Variants in PIBF1 observed in about 807,000 individuals in gnomAD.
The protein encoded by PIBF1 is progesterone-induced-blocking factor 1.
In PIBF1, 90 loss-of-function variants were observed where a neutral mutation model predicts 112.5. That is an observed-to-expected ratio of 0.80 (90% CI 0.67 to 0.95). PIBF1 has a LOEUF of 0.95. PIBF1 is among the 40% of genes least tolerant of loss of function. The pLI, the probability that PIBF1 is intolerant of heterozygous loss-of-function variation, is 0.00. For missense variants in PIBF1, 915 were observed against 852.3 expected (o/e 1.07, Z -0.92); for synonymous variants, 301 against 288.6 (o/e 1.04, Z -0.44).
In PIBF1 at chr13:72,931,717, C is replaced by CATATATATATATATATATATAT. The variant is rs1414425546; in HGVS notation, c.1833+450_1833+451insATATATATATATATATATATAT. ...TCTTAGCCTTATGTCATTTAAACTA[C>CATATATATATATATATATATAT]GTATATATATATATATATATATATA... On this transcript the variant is annotated intron_variant, in intron 14 of 17. Transcript: ENST00000326291. Among the ~76,000 whole-genome samples, 7 of 24,412 alleles carry CATATATATATATATATATATAT rather than the reference C, an allele frequency of 2.9e-4. 1 individual carries two copies. The highest frequency in any genetic ancestry group is 1.8e-3 in the East Asian group (1 of 544). The allele number at this position is 24,412 out of a possible 152,430, so 16.0% of individuals were successfully genotyped here.
intron 11 of PIBF1, among the ~76,000 whole-genome samples, chr13:72,906,809 G>A (rs2040719915): frequency 6.6e-6 from 1 of 152,016 alleles, no homozygotes; most frequent in Non-Finnish European, 1.5e-5. Flanking sequence ...TGGTGGTTTT[G>A]CAGGGGGAGG....
chr13:73,009,039 T>C (rs373716989), intron 17 of PIBF1, among the ~76,000 whole-genome samples: 35 of 152,230 alleles, frequency 2.3e-4, no homozygotes, highest in African/African-American at 8.0e-4. Context: ...GGAACCTAGA[T>C]TCCCTCTTCC....
At chr13:72,844,793 A>ACACACACACACACG (rs1326364265) in intron 9 of PIBF1, among the ~76,000 whole-genome samples, 1 of 132,234 alleles carries the variant, frequency 7.6e-6, no homozygotes, top group African/African-American at 2.8e-5. Flanking sequence ...ACACACACAC[A>ACACACACACACACG]CACACACGGA....
chr13:72,971,064 G>A (rs969020593), intron 15 of PIBF1, among the ~76,000 whole-genome samples: 1 of 151,906 alleles, frequency 6.6e-6, no homozygotes, highest in Middle Eastern at 3.2e-3. Context: ...GTTAAAACAC[G>A]ACAATATAAA....
At chr13:72,849,360 A>G (rs1443153206) in intron 9 of PIBF1, among the ~76,000 whole-genome samples, 1 of 152,252 alleles carries the variant, frequency 6.6e-6, no homozygotes, top group Non-Finnish European at 1.5e-5. Context: ...GTTAGCTTGT[A>G]CATGCTACGG....
Position 72,948,768 on chromosome 13 carries a change from C to A in PIBF1, c.1834-16506C>A, listed in dbSNP as rs2042216185. 2.6e-5 allele frequency among the ~76,000 whole-genome samples: 4 copies of A among 152,204 alleles called. No homozygotes were observed. In the South Asian group the frequency reaches 8.3e-4, roughly 31 times the overall value. On this transcript the variant is annotated intron_variant, in intron 14 of 17. Transcript: ENST00000326291. ...GTGGAAGGGTAAGCAAACAACATGT[C>A]TTTCTTCACATGGCGGCAGCAAGGA...
At chr13:72,950,475 T>C (rs922733569) in intron 14 of PIBF1, among the ~76,000 whole-genome samples, 18 of 152,212 alleles carry the variant, frequency 1.2e-4, no homozygotes, top group African/African-American at 4.3e-4. Flanking sequence ...GAATTCCCAC[T>C]GCAGAAACCG....
intron 10 of PIBF1, among the ~76,000 whole-genome samples, chr13:72,857,026 G>T (rs1419123943): frequency 6.6e-6 from 1 of 152,160 alleles, no homozygotes; most frequent in African/African-American, 2.4e-5. Flanking sequence ...TCATGAAAAT[G>T]TCAGTTTCCT....
chr13:72,854,470 C>T (rs575022164), intron 10 of PIBF1, among the ~76,000 whole-genome samples: 1 of 152,270 alleles, frequency 6.6e-6, no homozygotes, highest in South Asian at 2.1e-4. Context: ...CAAGAGGCAC[C>T]ACTTTCTGAT....
chr13:72,972,908 C>G (rs766336633), intron 15 of PIBF1, among the ~76,000 whole-genome samples: 3 of 152,152 alleles, frequency 2.0e-5, no homozygotes, highest in Non-Finnish European at 2.9e-5. Context: ...ATATTACTTT[C>G]AGTTTTAAGG....
At chr13:72,803,979 C>A (rs1439013966) in intron 5 of PIBF1, among the ~76,000 whole-genome samples, 1 of 152,120 alleles carries the variant, frequency 6.6e-6, no homozygotes, top group African/African-American at 2.4e-5. Flanking sequence ...TTGGAATGTT[C>A]TTATCTGAGT....
chr13:72,787,336 C>A (rs1380136544), intron 2 of PIBF1, among the ~76,000 whole-genome samples: 1 of 152,194 alleles, frequency 6.6e-6, no homozygotes, highest in African/African-American at 2.4e-5. Context: ...GAACAAAGTG[C>A]TACACTGTTT....
At chr13:72,996,627 A>G (rs1184623806) in intron 16 of PIBF1, among the ~76,000 whole-genome samples, 1 of 152,092 alleles carries the variant, frequency 6.6e-6, no homozygotes, top group Non-Finnish European at 1.5e-5. Flanking sequence ...ATCTCTACCA[A>G]AAATTTAAAA....
chr13:72,972,184 T>A (rs1367525092), intron 15 of PIBF1, among the ~76,000 whole-genome samples: 1 of 151,630 alleles, frequency 6.6e-6, no homozygotes, highest in Non-Finnish European at 1.5e-5. Context: ...AAGGTGCATG[T>A]CTCCACACCT....
chr13:72,886,574 AT>A (rs892312169), intron 10 of PIBF1, among the ~76,000 whole-genome samples: 3 of 151,768 alleles, frequency 2.0e-5, no homozygotes, highest in East Asian at 1.9e-4. Flanking sequence ...TGTAGTACCT[AT>A]TTTTTTGACT....
intron 14 of PIBF1, among the ~76,000 whole-genome samples, chr13:72,953,712 G>A (rs2042365653): frequency 6.6e-6 from 1 of 152,208 alleles, no homozygotes. Context: ...AGGGCATGCA[G>A]AAGTTTTCTC....
intron 2 of PIBF1, among the ~76,000 whole-genome samples, chr13:72,791,612 T>TGAA (rs1324466194): frequency 6.6e-6 from 1 of 152,028 alleles, no homozygotes; most frequent in African/African-American, 2.4e-5. Flanking sequence ...GAGGATCCTC[T>TGAA]GAAGAATGTA....
At chr13:72,956,429 A>G (rs894284912) in intron 14 of PIBF1, among the ~76,000 whole-genome samples, 9 of 152,104 alleles carry the variant, frequency 5.9e-5, no homozygotes, top group Non-Finnish European at 1.0e-4. Context: ...GCAACTTTCA[A>G]AAGTTAATAC....
At chr13:72,912,303 A>G (rs2040922461) in intron 12 of PIBF1, among the ~76,000 whole-genome samples, 1 of 152,188 alleles carries the variant, frequency 6.6e-6, no homozygotes, top group Admixed American at 6.6e-5. Context: ...ACCAGAATAT[A>G]TATTTAAAAA....
Sources: gnomAD v4.1 joint callset for allele counts (sites outside exome capture counted in the v4.1 genomes callset) on GRCh38, gnomAD v4.1.1 for gene constraint, MANE v1.5 for transcripts, NCBI Gene and HGNC (gene_info 2026-07-23, HGNC 2026-07-21) for gene names.